The following PCDHGA5 variants were observed in gnomAD, a reference collection of about 807,000 sequenced individuals.
PCDHGA5 encodes protocadherin gamma-A5.
In PCDHGA5, 36 loss-of-function variants were observed where a neutral mutation model predicts 56.7. The observed-to-expected ratio is 0.64, with a 90% CI of 0.49 to 0.84. PCDHGA5 has a LOEUF of 0.84. PCDHGA5 is among the 40% of genes least tolerant of loss of function. The pLI is 0.00. For missense variants in PCDHGA5, 1,305 were observed against 1,201.5 expected (o/e 1.09, Z -1.27); for synonymous variants, 563 against 520.2 (o/e 1.08, Z -1.12).
chr5:141,475,167 G>T (rs529813171), intron 1 of PCDHGA5, among the ~76,000 whole-genome samples: 1 of 152,160 alleles, frequency 6.6e-6, no homozygotes, highest in Admixed American at 6.5e-5. Flanking sequence ...CATTAGCAGT[G>T]CAACTTCTTG....
intron 1 of PCDHGA5, chr5:141,384,294 C>G: frequency 6.2e-7 from 1 of 1,613,864 alleles, no homozygotes; most frequent in Non-Finnish European, 8.5e-7. Flanking sequence ...CTGAGAACAA[C>G]CCCAGAGGGG....
At chr5:141,409,979 G>T in intron 1 of PCDHGA5, 1 of 1,613,348 alleles carries the variant, frequency 6.2e-7, no homozygotes, top group Non-Finnish European at 8.5e-7. Flanking sequence ...TAAGGTGGTA[G>T]CGGTGGACGC....
Position 141,485,274 on chromosome 5 carries a change from C to A in PCDHGA5, c.2422-9533C>A. 1 of 1,614,106 alleles carries A rather than the reference C, an allele frequency of 6.2e-7. No homozygotes were observed. The highest frequency in any genetic ancestry group is 1.3e-5 in the African/African-American group (1 of 75,036). ...TACGTTTGTGGGCAGATCCGCTACC[C>A]GGTCCCAGAGGAGTCACAGGAAGGG... On this transcript the variant is annotated intron_variant, in intron 1 of 3. Transcript: ENST00000518069. The surrounding 1 kb of genome is among the most constrained non-coding windows in gnomAD (Gnocchi z 5.7).
At position 141,491,752 on chromosome 5, in the gene PCDHGA5, G is replaced by C. The variant is rs1464731659; in HGVS notation, c.2422-3055G>C. 6 of 1,586,646 alleles carry C rather than the reference G, an allele frequency of 3.8e-6. No homozygotes were observed. The African/African-American group carries it at 8.1e-5, about 21-fold the overall frequency. On this transcript the variant is annotated intron_variant, in intron 1 of 3. Transcript: ENST00000518069. The surrounding 1 kb of genome is among the most constrained non-coding windows in gnomAD (Gnocchi z 6.9). ...GACCCCTGGGGGCGGCACTGGAGAA[G>C]CCGCCCGTCCTCATAAGGGATTGAA...
chr5:141,419,579 C>G (rs759041306), intron 1 of PCDHGA5: 11 of 1,611,812 alleles, frequency 6.8e-6, no homozygotes, highest in Non-Finnish European at 9.3e-6. Flanking sequence ...CGGCTCCGCG[C>G]TCTTCGACAC....
At chr5:141,419,301 T>G in intron 1 of PCDHGA5, 6 of 1,613,998 alleles carry the variant, frequency 3.7e-6, no homozygotes, top group Non-Finnish European at 5.1e-6. Context: ...GACCCAGACT[T>G]CGGGCTCAAC....
intron 1 of PCDHGA5, among the ~76,000 whole-genome samples, chr5:141,443,667 C>G (rs62379164): frequency 0.042 from 6,382 of 152,210 alleles, 168 homozygotes; most frequent in Middle Eastern, 0.088. Flanking sequence ...TTTTACTGAA[C>G]TAGTAGTTTA....
intron 1 of PCDHGA5, chr5:141,376,159 C>A: frequency 1.9e-6 from 3 of 1,614,084 alleles, no homozygotes; most frequent in Non-Finnish European, 2.5e-6. Context: ...TCACTCTGTA[C>A]CTGGTGGTGG....
chr5:141,460,983 G>A (rs12516231), intron 1 of PCDHGA5, among the ~76,000 whole-genome samples: 37,603 of 137,412 alleles, frequency 0.27, 5,103 homozygotes, highest in Admixed American at 0.34. Flanking sequence ...GTGTGTGTGT[G>A]TATATATATA....
Position 141,486,059 on chromosome 5 carries a change from C to A in PCDHGA5, c.2422-8748C>A. On this transcript the variant is annotated intron_variant, in intron 1 of 3. Transcript: ENST00000518069. This position sits in a 1 kb window ranked among gnomAD's most constrained non-coding sequence, Gnocchi z 5.0. ...TCGTGTAAGAAACCTCTTTAGCCTG[C>A]ACCCCACTACTGGAAAGCTTACTCT... 1 of 1,614,152 alleles carries A rather than the reference C, an allele frequency of 6.2e-7. No homozygotes were observed. Among genetic ancestry groups the A allele is most frequent in the Non-Finnish European group, 8.5e-7 (1 of 1,180,010 alleles).
chr5:141,488,497 C>T (rs1054409265), intron 1 of PCDHGA5, among the ~76,000 whole-genome samples: 3 of 152,204 alleles, frequency 2.0e-5, no homozygotes, highest in South Asian at 2.1e-4. Flanking sequence ...CTGTAACACT[C>T]ATTCCACATT....
intron 1 of PCDHGA5, chr5:141,373,940 C>T: frequency 1.4e-6 from 1 of 716,494 alleles, no homozygotes; most frequent in East Asian, 3.0e-5. Flanking sequence ...AGCAGGAAAG[C>T]TGTGCAGAAA....
In PCDHGA5 at chr5:141,422,843, G is replaced by C. The variant is rs778670588; in HGVS notation, c.2421+56092G>C. 1.9e-6 allele frequency: 3 copies of C among 1,614,234 alleles called. No homozygotes were observed. In the East Asian group the frequency reaches 6.7e-5, roughly 36 times the overall value. ...CTGAGAGTGATAGCACGTGACAGCG[G>C]GGACCCGCCCCTCAGCAGCAACGTG... is the stretch of plus-strand genomic sequence containing the variant. On this transcript the variant is annotated intron_variant, in intron 1 of 3. Coordinates refer to ENST00000518069, the MANE Select transcript of PCDHGA5 (RefSeq NM_018918.3).
In PCDHGA5 at chr5:141,432,399, C is replaced by T. The variant is rs2097496727; in HGVS notation, c.2422-62408C>T. ...CACCCGCCCCTCAGCAGCAACGTGT[C>T]GTTGAGCCTGTTCGTGCTGGACCAG... is the stretch of plus-strand genomic sequence containing the variant. On this transcript the variant is annotated intron_variant, in intron 1 of 3. Coordinates refer to ENST00000518069, the MANE Select transcript of PCDHGA5 (RefSeq NM_018918.3). This position sits in a 1 kb window ranked among gnomAD's most constrained non-coding sequence, Gnocchi z 6.0. 1.2e-6 allele frequency: 2 copies of T among 1,614,240 alleles called. No homozygotes were observed. Among genetic ancestry groups the T allele is most frequent in the Non-Finnish European group, 1.7e-6 (2 of 1,180,040 alleles).
chr5:141,465,519 T>C (rs2099104752), intron 1 of PCDHGA5, among the ~76,000 whole-genome samples: 1 of 152,224 alleles, frequency 6.6e-6, no homozygotes, highest in East Asian at 1.9e-4. Context: ...GGAAGGATTC[T>C]GGGGAAGTTT....
intron 1 of PCDHGA5, chr5:141,375,606 A>T: frequency 6.2e-7 from 1 of 1,613,922 alleles, no homozygotes; most frequent in Non-Finnish European, 8.5e-7. Context: ...GTGTCCATCA[A>T]CTCCGACACT....
chr5:141,485,744 G>T lies in PCDHGA5; in HGVS notation c.2422-9063G>T. 1 of 1,614,226 alleles carries T rather than the reference G, an allele frequency of 6.2e-7. No individual in the cohort carries two copies. Among genetic ancestry groups the T allele is most frequent in the Non-Finnish European group, 8.5e-7 (1 of 1,180,038 alleles). On this transcript the variant is annotated intron_variant, in intron 1 of 3. Transcript: ENST00000518069. The surrounding 1 kb of genome is among the most constrained non-coding windows in gnomAD (Gnocchi z 5.7). ...GAAGAAGCGCAGCGACGGCAGCCTG[G>T]TCCCAGAGCTGCTCCTGGAGAAGCC...
intron 1 of PCDHGA5, among the ~76,000 whole-genome samples, chr5:141,466,965 C>G (rs1345790988): frequency 6.6e-6 from 1 of 152,016 alleles, no homozygotes; most frequent in African/African-American, 2.4e-5. Context: ...CAAATATTTT[C>G]TCACAGCTCA....
chr5:141,482,885 A>G (rs1353686606), intron 1 of PCDHGA5, among the ~76,000 whole-genome samples: 2 of 152,202 alleles, frequency 1.3e-5, no homozygotes. Flanking sequence ...CAGCCTGGCC[A>G]ACATGGTGAA....
Sources: allele counts gnomAD v4.1 joint callset (sites outside exome capture counted in the v4.1 genomes callset), GRCh38; gene constraint gnomAD v4.1.1; non-coding constraint Gnocchi (gnomAD v3.1); transcripts MANE v1.5; gene names NCBI Gene and HGNC (gene_info 2026-07-23, HGNC 2026-07-21).